KPNA4: variants seen among roughly 807,000 people sequenced by gnomAD.
KPNA4 encodes the protein karyopherin subunit alpha 4, also known as importin subunit alpha-3.
KPNA4 carries 13 observed loss-of-function variants against 71.3 expected under a neutral mutation model. The ratio of observed to expected loss-of-function variants is 0.18; its 90% CI spans 0.12 to 0.29. The LOEUF is 0.29. Among genes scored for constraint, KPNA4 ranks in the 10% least tolerant of loss-of-function variants. The pLI, the probability that KPNA4 is intolerant of heterozygous loss-of-function variation, is 1.00. For synonymous variants in KPNA4, 189 were observed against 195.2 expected, an observed-to-expected ratio of 0.97 and a Z score of 0.26; for missense variants, 334 against 603.2, an observed-to-expected ratio of 0.55 and a Z score of 4.67.
Position 160,531,483 on chromosome 3 carries a change from T to G in KPNA4, c.362A>C (p.His121Pro). Residue 121 changes from histidine (H) to proline (P), a missense_variant, in exon 6 of 17, where the codon CAT (histidine) becomes CCT (proline). Coordinates refer to ENST00000334256, the MANE Select transcript of KPNA4 (RefSeq NM_002268.5). ...TCACTTGTCATCTCTTTCAAGACAA[T>G]GGACTAAAATGGGCAATATTCCAGA... Reference protein sequence around the residue: ...IKSGILPILVHCLERDDNPSL... With the variant: ...IKSGILPILVPCLERDDNPSL... 1 of 1,570,234 alleles carries G rather than the reference T, an allele frequency of 6.4e-7. No individual in the cohort carries two copies. Among genetic ancestry groups the G allele is most frequent in the South Asian group, 1.2e-5 (1 of 81,388 alleles).
intron 1 of KPNA4, among the ~76,000 whole-genome samples, chr3:160,545,537 A>G (rs994285538): frequency 2.0e-5 from 3 of 152,370 alleles, no homozygotes; most frequent in South Asian, 4.1e-4. Flanking sequence ...AAAGACCTTG[A>G]GAAGAGTGAT....
chr3:160,543,674 T>C (rs1721850832), intron 1 of KPNA4, among the ~76,000 whole-genome samples: 2 of 152,298 alleles, frequency 1.3e-5, no homozygotes, highest in South Asian at 2.1e-4. Flanking sequence ...AAATATGTAA[T>C]TGTCATTTGT....
At chr3:160,523,050 C>T (rs767894509) in intron 10 of KPNA4, among the ~76,000 whole-genome samples, 6 of 152,164 alleles carry the variant, frequency 3.9e-5, no homozygotes, top group Admixed American at 2.6e-4. Context: ...ACTGTAACTG[C>T]TGCAAATAAA....
At chr3:160,506,317 C>T (rs1030484201) in intron 15 of KPNA4, among the ~76,000 whole-genome samples, 8 of 152,000 alleles carry the variant, frequency 5.3e-5, no homozygotes, top group East Asian at 1.9e-4. Flanking sequence ...TACAGGTGTG[C>T]GCTACCACAC....
chr3:160,546,260 G>GT (rs1490302814), intron 1 of KPNA4, among the ~76,000 whole-genome samples: 1 of 152,216 alleles, frequency 6.6e-6, no homozygotes, highest in African/African-American at 2.4e-5. Flanking sequence ...GCTCACACCT[G>GT]TAATTCCAGT....
intron 1 of KPNA4, among the ~76,000 whole-genome samples, chr3:160,541,651 A>G (rs12631381): frequency 0.14 from 15,288 of 111,450 alleles, 763 homozygotes; most frequent in Non-Finnish European, 0.16. Context: ...ATATACGCGC[A>G]CACACACACA....
At chr3:160,563,596 G>A (rs1722285724) in intron 1 of KPNA4, among the ~76,000 whole-genome samples, 1 of 152,134 alleles carries the variant, frequency 6.6e-6, no homozygotes, top group Non-Finnish European at 1.5e-5. Context: ...GATCTGTCAA[G>A]CACCTAATTG....
intron 15 of KPNA4, among the ~76,000 whole-genome samples, chr3:160,507,438 T>C (rs1721008181): frequency 6.8e-6 from 1 of 146,158 alleles, no homozygotes; most frequent in Non-Finnish European, 1.5e-5. Flanking sequence ...AGACAGAGGT[T>C]GCAGTGAGCC....
chr3:160,553,564 G>A (rs1722081079), intron 1 of KPNA4, among the ~76,000 whole-genome samples: 1 of 152,092 alleles, frequency 6.6e-6, no homozygotes, highest in Non-Finnish European at 1.5e-5. Context: ...TATGAGAACT[G>A]GTCCCTGAAC....
chr3:160,510,726 T>C (rs906262369), intron 13 of KPNA4, among the ~76,000 whole-genome samples: 5 of 152,106 alleles, frequency 3.3e-5, no homozygotes, highest in African/African-American at 1.2e-4. Context: ...AATTTACATA[T>C]ATGTTTATCT....
intron 1 of KPNA4, among the ~76,000 whole-genome samples, chr3:160,558,473 C>T (rs1227327086): frequency 6.6e-6 from 1 of 152,160 alleles, no homozygotes; most frequent in African/African-American, 2.4e-5. Context: ...ATTTCAAAGG[C>T]TTAGACATAA....
intron 10 of KPNA4, among the ~76,000 whole-genome samples, chr3:160,522,585 G>T (rs1211971684): frequency 1.3e-5 from 2 of 152,106 alleles, no homozygotes; most frequent in East Asian, 3.9e-4. Context: ...AGCCTCCCGA[G>T]TAGCTGGGAC....
rs1720807124 is a variant in KPNA4 at position 160,498,364 on chromosome 3, G to C, written c.*3740C>G. 6.6e-6 allele frequency: 1 copy of C among 152,118 alleles called. No homozygotes were observed. The highest frequency in any genetic ancestry group is 1.5e-5 in the Non-Finnish European group (1 of 68,042). 9.4% of individuals were successfully genotyped at this position (152,118 alleles called of 1,614,324 possible). A position where few individuals can be genotyped will look rare whatever the true frequency, so the allele number is the denominator to read the frequency against. ...CTAAATAGTTGAGTCCTTGTCATAG[G>C]AAGAACTCTTAAGATGGCTCCCAAG... On this transcript the variant is annotated 3_prime_UTR_variant, in exon 17 of 17. Coordinates refer to ENST00000334256, the MANE Select transcript of KPNA4 (RefSeq NM_002268.5).
intron 7 of KPNA4, among the ~76,000 whole-genome samples, chr3:160,528,909 A>G (rs1413810039): frequency 6.6e-6 from 1 of 152,184 alleles, no homozygotes; most frequent in East Asian, 1.9e-4. Context: ...CATGCTTGTA[A>G]TATCATAAAA....
At chr3:160,565,074 G>T (rs1722317959) in intron 1 of KPNA4, 140 bp downstream of exon 1, 2 of 675,010 alleles carry the variant, frequency 3.0e-6, no homozygotes, top group Admixed American at 2.7e-5. Context: ...TAGCAGAGGC[G>T]TCACAGACGG....
At chr3:160,555,305 T>C (rs568343613) in intron 1 of KPNA4, among the ~76,000 whole-genome samples, 21 of 152,344 alleles carry the variant, frequency 1.4e-4, no homozygotes, top group Middle Eastern at 3.4e-3. Flanking sequence ...ACTGGAATTA[T>C]AGAGTGTGAT....
At chr3:160,521,071 C>T (rs1721339357) in intron 11 of KPNA4, among the ~76,000 whole-genome samples, 1 of 151,654 alleles carries the variant, frequency 6.6e-6, no homozygotes. Flanking sequence ...TTAGAAAGTC[C>T]CTAAACAGCA....
intron 1 of KPNA4, among the ~76,000 whole-genome samples, chr3:160,553,515 C>G (rs755678277): frequency 6.6e-6 from 1 of 152,184 alleles, no homozygotes; most frequent in Non-Finnish European, 1.5e-5. Context: ...CCATGAACAC[C>G]TACCATCAAG....
At position 160,525,837 on chromosome 3, in the gene KPNA4, G is replaced by C. The variant is rs1721447225; in HGVS notation, c.734C>G (p.Pro245Arg). The change falls in exon 10 of 17, where the codon CCA (proline) becomes CGA (arginine). Residue 245 changes from proline (P) to arginine (R), a missense_variant. By Grantham distance (103) the Pro-to-Arg change is moderately radical. Transcript: ENST00000334256. Reference protein sequence around the residue: ...PPMETIQEILPALCVLIHHTD... With the variant: ...PPMETIQEILRALCVLIHHTD... ...GTGATGAATTAAAACACAAAGGGCT[G>C]GAAGAATCTGAGGAGAGAAATATGT... 6.4e-7 allele frequency: 1 copy of C among 1,567,206 alleles called. No homozygotes were observed. The highest frequency in any genetic ancestry group is 8.6e-7 in the Non-Finnish European group (1 of 1,156,826).
Sources: allele counts gnomAD v4.1 joint callset (sites outside exome capture counted in the v4.1 genomes callset), GRCh38; gene constraint gnomAD v4.1.1; transcripts MANE v1.5; gene names NCBI Gene and HGNC (gene_info 2026-07-23, HGNC 2026-07-21).